The following NCALD variants were observed in gnomAD, a reference collection of about 807,000 sequenced individuals.
NCALD encodes the protein neurocalcin delta.
In NCALD, 10 loss-of-function variants were observed where a neutral mutation model predicts 18.6. The ratio of observed to expected loss-of-function variants is 0.54; its 90% CI spans 0.33 to 0.91. The LOEUF (loss-of-function observed/expected upper bound fraction) is 0.91. Ranked by LOEUF, NCALD falls within the 40% of genes least tolerant of loss-of-function variation. NCALD has a pLI of 0.03. For synonymous variants in NCALD, 88 were observed against 87.4 expected, an observed-to-expected ratio of 1.01 and a Z score of -0.04; for missense variants, 184 against 247.6, an observed-to-expected ratio of 0.74 and a Z score of 1.72.
chr8:101,776,228 A>T lies in NCALD; in HGVS notation c.-20+14634T>A, dbSNP rs144646320. Reference sequence around the variant, plus strand: ...GGAAAGAACAAATGGCCTGTGATCAAAAGCACATCCCTGTGCTTACCTGGG... The same window carrying T: ...GGAAAGAACAAATGGCCTGTGATCATAAGCACATCCCTGTGCTTACCTGGG... On this transcript the variant is annotated intron_variant, in intron 1 of 3. Coordinates refer to ENST00000220931, the MANE Select transcript of NCALD (RefSeq NM_032041.3). Among the ~76,000 whole-genome samples, 1,359 of 152,316 alleles carry T rather than the reference A, an allele frequency of 8.9e-3. 11 individuals are homozygous for T. Among genetic ancestry groups the T allele is most frequent in the Middle Eastern group, 0.041 (12 of 294 alleles).
intron 2 of NCALD, among the ~76,000 whole-genome samples, chr8:102,013,663 T>TAA (rs149782408): frequency 1.3e-5 from 2 of 150,218 alleles, no homozygotes; most frequent in East Asian, 3.9e-4. Context: ...CAAGATATGT[T>TAA]AAAAAAAAAA....
intron 2 of NCALD, among the ~76,000 whole-genome samples, chr8:102,006,780 T>C (rs937656344): frequency 2.0e-5 from 3 of 152,256 alleles, no homozygotes; most frequent in Admixed American, 6.5e-5. Context: ...AAATAGTTCC[T>C]GGTTGCCTTA....
At position 101,888,395 on chromosome 8, in the gene NCALD, TTTTA is replaced by T. The variant is rs1180750395; in HGVS notation, c.-106-1172_-106-1169del. On this transcript the variant is annotated intron_variant, in intron 3 of 6. Coordinates refer to the NCALD transcript ENST00000311028. ...GCTCTATATTTAGCTGGACTTTCTT[TTTTA>T]TTTATTTATTTATTTATTTATTTTT... Among the ~76,000 whole-genome samples, 293 of 151,612 alleles carry T rather than the reference TTTTA, an allele frequency of 1.9e-3. 1 individual carries two copies. The highest frequency in any genetic ancestry group is 8.1e-3 in the Admixed American group (124 of 15,276).
chr8:102,039,029 G>C (rs1437290904), intron 1 of NCALD, among the ~76,000 whole-genome samples: 1 of 152,162 alleles, frequency 6.6e-6, no homozygotes, highest in Non-Finnish European at 1.5e-5. Flanking sequence ...CCAGCCAACA[G>C]CGTGCAAGAA....
chr8:101,967,161 G>A (rs533548845), intron 2 of NCALD, among the ~76,000 whole-genome samples: 1 of 152,236 alleles, frequency 6.6e-6, no homozygotes, highest in East Asian at 1.9e-4. Context: ...CTATCTGTTG[G>A]TGATAACATC....
chr8:101,731,559 C>T (rs1366437984), intron 1 of NCALD, among the ~76,000 whole-genome samples: 2 of 152,186 alleles, frequency 1.3e-5, no homozygotes, highest in Non-Finnish European at 2.9e-5. Flanking sequence ...TAGTGACAGA[C>T]ATGTGAGTTT....
intron 1 of NCALD, among the ~76,000 whole-genome samples, chr8:101,743,968 G>A (rs916931194): frequency 6.6e-6 from 1 of 152,160 alleles, no homozygotes; most frequent in African/African-American, 2.4e-5. Flanking sequence ...CTTTAAACCC[G>A]AGAGAAGTTA....
At chr8:101,940,105 G>A (rs1818901890) in intron 2 of NCALD, among the ~76,000 whole-genome samples, 1 of 152,102 alleles carries the variant, frequency 6.6e-6, no homozygotes, top group South Asian at 2.1e-4. Context: ...TTAAACATTT[G>A]TCCACATCTT....
At chr8:101,864,593 C>CTTTTT in intron 4 of NCALD, among the ~76,000 whole-genome samples, 1 of 136,876 alleles carries the variant, frequency 7.3e-6, no homozygotes, top group Non-Finnish European at 1.6e-5. Context: ...TCTTTCCTTT[C>CTTTTT]TTTTTTTTTT....
chr8:101,955,463 A>C (rs1415008784), intron 2 of NCALD, among the ~76,000 whole-genome samples: 1 of 152,226 alleles, frequency 6.6e-6, no homozygotes, highest in Non-Finnish European at 1.5e-5. Context: ...ATTAATAATT[A>C]GGAAGCTGAG....
At chr8:101,913,450 A>G (rs1433379357) in intron 3 of NCALD, among the ~76,000 whole-genome samples, 1 of 152,268 alleles carries the variant, frequency 6.6e-6, no homozygotes, top group Non-Finnish European at 1.5e-5. Context: ...CAAATGAATC[A>G]GACTCAACAT....
At chr8:101,874,252 TCTAGACA>T (rs1310810486) in intron 4 of NCALD, among the ~76,000 whole-genome samples, 1 of 152,206 alleles carries the variant, frequency 6.6e-6, no homozygotes, top group Admixed American at 6.5e-5. Flanking sequence ...GATAGCTGTA[TCTAGACA>T]CTAGAGAATT....
intron 1 of NCALD, among the ~76,000 whole-genome samples, chr8:102,033,953 T>C (rs1822771508): frequency 6.6e-6 from 1 of 151,954 alleles, no homozygotes; most frequent in Non-Finnish European, 1.5e-5. Context: ...GATATAGATA[T>C]ATATAAATGT....
At chr8:101,849,891 C>T (rs529696214) in intron 4 of NCALD, among the ~76,000 whole-genome samples, 1 of 152,344 alleles carries the variant, frequency 6.6e-6, no homozygotes, top group South Asian at 2.1e-4. Flanking sequence ...GGGGGCCCTT[C>T]CCTGTGTTTC....
intron 4 of NCALD, among the ~76,000 whole-genome samples, chr8:101,843,258 C>T (rs1046634773): frequency 6.9e-4 from 105 of 152,286 alleles, no homozygotes; most frequent in African/African-American, 2.4e-3. Context: ...AGGAAGAGTA[C>T]ACAATATCTA....
chr8:101,803,295 G>A (rs1297394079), intron 4 of NCALD, among the ~76,000 whole-genome samples: 3 of 152,144 alleles, frequency 2.0e-5, no homozygotes, highest in African/African-American at 7.2e-5. Context: ...TACAGCATGG[G>A]TTACTATGTT....
intron 1 of NCALD, among the ~76,000 whole-genome samples, chr8:102,024,677 A>C (rs1221138452): frequency 2.0e-5 from 3 of 152,088 alleles, no homozygotes; most frequent in African/African-American, 7.2e-5. Context: ...TCTGGTCTCC[A>C]CCCCATTTCC....
intron 1 of NCALD, among the ~76,000 whole-genome samples, chr8:102,107,569 C>T (rs1053925104): frequency 3.3e-5 from 5 of 152,102 alleles, no homozygotes; most frequent in Non-Finnish European, 7.4e-5. Flanking sequence ...TCATTCAGCA[C>T]ACTACCAAGT....
chr8:101,995,799 T>C (rs1308515108), intron 2 of NCALD, among the ~76,000 whole-genome samples: 3 of 152,202 alleles, frequency 2.0e-5, no homozygotes, highest in African/African-American at 7.2e-5. Flanking sequence ...CAAACTGATC[T>C]ACCTATAACA....
Sources: gnomAD v4.1 joint callset for allele counts (sites outside exome capture counted in the v4.1 genomes callset) on GRCh38, gnomAD v4.1.1 for gene constraint, MANE v1.5 for transcripts, NCBI Gene and HGNC (gene_info 2026-07-23, HGNC 2026-07-21) for gene names.